Variants in TMEM179 observed in about 807,000 individuals in gnomAD.
TMEM179 encodes the protein transmembrane protein 179A.
In TMEM179, 17 loss-of-function variants were observed where a neutral mutation model predicts 22.2. The ratio of observed to expected loss-of-function variants is 0.77; its 90% CI spans 0.52 to 1.15. The LOEUF (loss-of-function observed/expected upper bound fraction) is 1.15, where lower values mean the gene tolerates loss of function less well. TMEM179 is among the 50% of genes most tolerant of loss of function. The pLI is 0.00. For synonymous variants in TMEM179, 127 were observed against 140.5 expected, an observed-to-expected ratio of 0.90 and a Z score of 0.68; for missense variants, 265 against 313.6, an observed-to-expected ratio of 0.84 and a Z score of 1.17.
In TMEM179 at chr14:104,593,312, G is replaced by A. The variant is rs112062999; in HGVS notation, c.*167C>T. ...CACCCAGTCCACTGCCAGGCTCACA[G>A]GTGGGCACTGGGGCGCTCACCTCAC... On this transcript the variant is annotated 3_prime_UTR_variant, in exon 4 of 4. Coordinates refer to ENST00000556573, the MANE Select transcript of TMEM179 (RefSeq NM_001286389.2). 6.3e-4 allele frequency: 478 copies of A among 763,834 alleles called. 3 individuals carry two copies. In the African/African-American group the frequency reaches 7.3e-3, roughly 12 times the overall value. 47.3% of individuals were successfully genotyped at this position (763,834 alleles called of 1,614,324 possible).
chr14:104,600,587 CATT>C (rs201350690), intron 1 of TMEM179, among the ~76,000 whole-genome samples: 2,156 of 124,694 alleles, frequency 0.017, 18 homozygotes, highest in South Asian at 0.028. Context: ...TTCATCCATT[CATT>C]CATTCATTCA....
In TMEM179 at chr14:104,597,977, C is replaced by T. The variant is rs1269712613; in HGVS notation, c.306-850G>A. ...AGGAAGGAGCTCACTTAGGGCTGGG[C>T]CACACTGCCCCAGGGGTCTGAGGCC... On this transcript the variant is annotated intron_variant, in intron 1 of 3. Transcript: ENST00000556573. The surrounding 1 kb of genome is among the most constrained non-coding windows in gnomAD (Gnocchi z 4.8). Among the ~76,000 whole-genome samples the T allele has an allele frequency of 1.3e-5, 2 of 152,200 alleles. No homozygotes were observed. The highest frequency in any genetic ancestry group is 4.8e-5 in the African/African-American group (2 of 41,450).
chr14:104,600,495 G>A (rs754702525), intron 1 of TMEM179, among the ~76,000 whole-genome samples: 6 of 152,180 alleles, frequency 3.9e-5, no homozygotes, highest in Non-Finnish European at 5.9e-5. Flanking sequence ...CAGCACAGCT[G>A]CCCCAGGCCC....
chr14:104,597,453 G>A lies in TMEM179; in HGVS notation c.306-326C>T, dbSNP rs1429158281. On this transcript the variant is annotated intron_variant, in intron 1 of 3. Coordinates refer to ENST00000556573, the MANE Select transcript of TMEM179 (RefSeq NM_001286389.2). This position sits in a 1 kb window ranked among gnomAD's most constrained non-coding sequence, Gnocchi z 4.8. Reference sequence around the variant, plus strand: ...GGCTGCACCCAGGGTGGAAGTGAATGACACCCTTCCAAAGCCGTCCAGCCA... The same window carrying A: ...GGCTGCACCCAGGGTGGAAGTGAATAACACCCTTCCAAAGCCGTCCAGCCA... 2.0e-5 allele frequency among the ~76,000 whole-genome samples: 3 copies of A among 152,176 alleles called. No homozygotes were observed.
chr14:104,604,764 G>GGCGGGAAGGCC lies in TMEM179; in HGVS notation c.-24_-23insGGCCTTCCCGC, dbSNP rs1032266077. ...CATGGCCGGCCCGGGCGAGAGCGGCGGCGGGAAGGCCGCGGGAGGCTGCGC... is the reference window on the plus strand; with the variant it reads ...CATGGCCGGCCCGGGCGAGAGCGGCGGCGGGAAGGCCGCGGGAAGGCCGCGGGAGGCTGCGC... On this transcript the variant is annotated 5_prime_UTR_variant, in exon 1 of 4. Coordinates refer to ENST00000556573, the MANE Select transcript of TMEM179 (RefSeq NM_001286389.2). The surrounding 1 kb of genome is among the most constrained non-coding windows in gnomAD (Gnocchi z 4.6). 9.4e-6 allele frequency: 14 copies of GGCGGGAAGGCC among 1,490,112 alleles called. No individual in the cohort carries two copies. In the East Asian group the frequency reaches 3.4e-4, roughly 36 times the overall value. The allele number at this position is 1,490,112 out of a possible 1,614,324, so 92.3% of individuals were successfully genotyped here. A position where few individuals can be genotyped will look rare whatever the true frequency, so the allele number is the denominator to read the frequency against.
Position 104,604,598 on chromosome 14 carries a change from C to A in TMEM179, c.144G>T (p.Leu48=). ...GCTCCTGCACCGTGAGGTTGGCGCT[C>A]AGCCACATGCCCTCGGTGAAGAGCA... is the stretch of plus-strand genomic sequence containing the variant. ...RCLLFTEGMW[L]SANLTVQERE... is the part of the protein sequence containing the mutation. The change falls in exon 1 of 4, where the codon CTG becomes CTT. Residue 48 remains leucine, a synonymous_variant. Coordinates refer to ENST00000556573, the MANE Select transcript of TMEM179 (RefSeq NM_001286389.2). This position sits in a 1 kb window ranked among gnomAD's most constrained non-coding sequence, Gnocchi z 4.6. 1 of 1,555,240 alleles carries A rather than the reference C, an allele frequency of 6.4e-7. No homozygotes were observed. The highest frequency in any genetic ancestry group is 2.6e-5 in the East Asian group (1 of 39,180).
At chr14:104,594,355 G>A (rs1886946180) in intron 3 of TMEM179, 2 of 1,231,756 alleles carry the variant, frequency 1.6e-6, no homozygotes, top group Admixed American at 8.4e-5. Context: ...GCCACGGCCA[G>A]CAAGAGCCTT....
In TMEM179 at chr14:104,593,431, CG is replaced by C. The variant is rs1292836021; in HGVS notation, c.*47del. On this transcript the variant is annotated 3_prime_UTR_variant, in exon 4 of 4. Coordinates refer to ENST00000556573, the MANE Select transcript of TMEM179 (RefSeq NM_001286389.2). ...GCTTCCCCAGGCAGGCCCGTGCCCC[CG>C]AGCGCAGCAGGGAGGTCGGGGCCAG... 2.1e-5 allele frequency: 32 copies of C among 1,534,704 alleles called. No homozygotes were observed. The highest frequency in any genetic ancestry group is 2.8e-5 in the Non-Finnish European group (32 of 1,145,808).
rs1887332951 is a variant in TMEM179 at position 104,604,077 on chromosome 14, T to G, written c.305+360A>C. Reference sequence around the variant, plus strand: ...TGCAAGCCCTAGACCGGGCTGGGAGTTGTCGCCGGTCCTGGCGAGTGTGGC... The same window carrying G: ...TGCAAGCCCTAGACCGGGCTGGGAGGTGTCGCCGGTCCTGGCGAGTGTGGC... On this transcript the variant is annotated intron_variant, in intron 1 of 3. Coordinates refer to ENST00000556573, the MANE Select transcript of TMEM179 (RefSeq NM_001286389.2). The surrounding 1 kb of genome is among the most constrained non-coding windows in gnomAD (Gnocchi z 4.6). 6.6e-6 allele frequency among the ~76,000 whole-genome samples: 1 copy of G among 151,894 alleles called. No homozygotes were observed. The highest frequency in any genetic ancestry group is 2.1e-4 in the South Asian group (1 of 4,820).
rs34572548 is a variant in TMEM179 at position 104,595,194 on chromosome 14, C to T, written c.493G>A (p.Ala165Thr). The change falls in exon 3 of 4, where the codon GCC becomes ACC. Residue 165 changes from alanine to threonine, a missense_variant. Transcript: ENST00000556573. The surrounding 1 kb of genome is among the most constrained non-coding windows in gnomAD (Gnocchi z 5.7). ...IDLELGVDNSAFYDQFAIAQF... is the reference protein window; with the variant it reads ...IDLELGVDNSTFYDQFAIAQF... ...GCAATTGCAAACTGATCGTAGAAGG[C>T]GGAGTTGTCCACGCCCAGCTCCAAG... 140 of 1,613,592 alleles carry T rather than the reference C, an allele frequency of 8.7e-5. 1 individual carries two copies. Among genetic ancestry groups the T allele is most frequent in the Admixed American group, 5.0e-5 (3 of 59,970 alleles).
At chr14:104,602,026 C>T (rs552619980) in intron 1 of TMEM179, among the ~76,000 whole-genome samples, 1 of 152,284 alleles carries the variant, frequency 6.6e-6, no homozygotes, top group East Asian at 1.9e-4. Context: ...GATGGAACAC[C>T]ACAAAGAGTG....
In TMEM179 at chr14:104,600,582, CCATTCATT is replaced by C. The variant is rs555646900; in HGVS notation, c.306-3463_306-3456del. On this transcript the variant is annotated intron_variant, in intron 1 of 3. Transcript: ENST00000556573. ...CACAGGTGCCATTCCATTCATTCAT[CCATTCATT>C]CATTCATTCATTCATTCATTTACTC... 7.3e-3 allele frequency among the ~76,000 whole-genome samples: 1,067 copies of C among 146,150 alleles called. 13 individuals are homozygous for C. The highest frequency in any genetic ancestry group is 0.025 in the African/African-American group (1,004 of 40,194).
Position 104,593,416 on chromosome 14 carries a change from G to A in TMEM179, c.*63C>T. 2 of 1,527,694 alleles carry A rather than the reference G, an allele frequency of 1.3e-6. No individual in the cohort carries two copies. The highest frequency in any genetic ancestry group is 1.8e-6 in the Non-Finnish European group (2 of 1,140,276). The allele number at this position is 1,527,694 out of a possible 1,614,324, so 94.6% of individuals were successfully genotyped here. Reference sequence around the variant, plus strand: ...CAGAGCCCCCCAGCTGCTTCCCCAGGCAGGCCCGTGCCCCCGAGCGCAGCA... The same window carrying A: ...CAGAGCCCCCCAGCTGCTTCCCCAGACAGGCCCGTGCCCCCGAGCGCAGCA... On this transcript the variant is annotated 3_prime_UTR_variant, in exon 4 of 4. Transcript: ENST00000556573.
intron 3 of TMEM179, chr14:104,594,949 A>C: frequency 1.7e-6 from 2 of 1,206,418 alleles, no homozygotes; most frequent in Non-Finnish European, 2.1e-6. Context: ...CACTGTGGCC[A>C]TCTCCTCCCC....
Position 104,593,912 on chromosome 14 carries a change from G to C in TMEM179, c.523-254C>G, listed in dbSNP as rs534629114. Among the ~76,000 whole-genome samples the C allele has an allele frequency of 3.9e-5, 6 of 152,330 alleles. No homozygotes were observed. In the South Asian group the frequency reaches 1.2e-3, roughly 32 times the overall value. ...AACCCACTCTGGTGCAAAAGCCCTG[G>C]GCACTCAGACCAACCCTCACTCCAG... On this transcript the variant is annotated intron_variant, in intron 3 of 3. Coordinates refer to ENST00000556573, the MANE Select transcript of TMEM179 (RefSeq NM_001286389.2).
At chr14:104,594,764 C>G in intron 3 of TMEM179, 1 of 1,139,164 alleles carries the variant, frequency 8.8e-7, no homozygotes, top group Non-Finnish European at 1.1e-6. Context: ...TCCTCTAAGC[C>G]TCCAGCTCTG....
intron 1 of TMEM179, among the ~76,000 whole-genome samples, chr14:104,599,521 C>CT (rs1251462691): frequency 2.0e-5 from 3 of 152,206 alleles, no homozygotes; most frequent in Admixed American, 2.0e-4. Flanking sequence ...GGTGAGCCAT[C>CT]TGCTGCTGCT....
chr14:104,603,938 G>A (rs1430802865), intron 1 of TMEM179, among the ~76,000 whole-genome samples: 2 of 152,198 alleles, frequency 1.3e-5, no homozygotes, highest in Non-Finnish European at 2.9e-5. Context: ...GCCTGAGCTC[G>A]AGGTGGGCCT....
chr14:104,598,027 G>A (rs1887098768), intron 1 of TMEM179, among the ~76,000 whole-genome samples: 1 of 152,232 alleles, frequency 6.6e-6, no homozygotes, highest in Admixed American at 6.5e-5. Context: ...CACGGCCATG[G>A]CTTTCAGAGG....
Sources: allele counts gnomAD v4.1 joint callset (sites outside exome capture counted in the v4.1 genomes callset), GRCh38; gene constraint gnomAD v4.1.1; non-coding constraint Gnocchi (gnomAD v3.1); transcripts MANE v1.5; gene names NCBI Gene and HGNC (gene_info 2026-07-23, HGNC 2026-07-21).